Variants in SPNS3 observed in about 807,000 individuals in gnomAD.
SPNS3 encodes protein spinster homolog 3.
In SPNS3, 51 loss-of-function variants were observed where a neutral mutation model predicts 54.4. The observed-to-expected ratio is 0.94, with a 90% CI of 0.75 to 1.18. The LOEUF is 1.18. SPNS3 is among the 50% of genes most tolerant of loss of function. The pLI is 0.00. For missense variants in SPNS3, 669 were observed against 677.4 expected (o/e 0.99, Z 0.14); for synonymous variants, 309 against 294.7 (o/e 1.05, Z -0.50).
chr17:4,461,365 T>TC (rs1238951882), intron 8 of SPNS3, among the ~76,000 whole-genome samples: 1 of 110,232 alleles, frequency 9.1e-6, no homozygotes, highest in Non-Finnish European at 1.7e-5. Context: ...TCTTTTCTTT[T>TC]TTTTTTTTTT....
chr17:4,455,120 G>A (rs1247549413), intron 8 of SPNS3, among the ~76,000 whole-genome samples: 3 of 151,862 alleles, frequency 2.0e-5, no homozygotes, highest in African/African-American at 7.3e-5. Context: ...CGCCACATTG[G>A]CCAGGCTGGT....
intron 7 of SPNS3, among the ~76,000 whole-genome samples, chr17:4,451,006 G>C (rs1456443818): frequency 1.3e-5 from 2 of 152,042 alleles, no homozygotes; most frequent in East Asian, 3.9e-4. Context: ...TGGTAGCTGG[G>C]GCATGTCCTC....
chr17:4,455,017 G>T (rs1305207308), intron 8 of SPNS3, among the ~76,000 whole-genome samples: 1 of 151,922 alleles, frequency 6.6e-6, no homozygotes, highest in Non-Finnish European at 1.5e-5. Flanking sequence ...GGGTTCAAGC[G>T]ATTCTCCTGC....
In SPNS3 at chr17:4,483,893, G is replaced by A. The variant is rs899541998; in HGVS notation, c.1180-2335G>A. 1.3e-5 allele frequency among the ~76,000 whole-genome samples: 2 copies of A among 152,076 alleles called. No homozygotes were observed. Among genetic ancestry groups the A allele is most frequent in the Non-Finnish European group, 2.9e-5 (2 of 68,014 alleles). On this transcript the variant is annotated intron_variant, in intron 9 of 11. Transcript: ENST00000355530. The surrounding 1 kb of genome is among the most constrained non-coding windows in gnomAD (Gnocchi z 4.2). ...CCTGGGATTCTGGAATCCAGAGATCGTGTCCCTGGGATCCTCCCTCCACAC... is the reference window on the plus strand; with the variant it reads ...CCTGGGATTCTGGAATCCAGAGATCATGTCCCTGGGATCCTCCCTCCACAC...
intron 8 of SPNS3, among the ~76,000 whole-genome samples, chr17:4,466,259 AG>A (rs1971672904): frequency 1.3e-5 from 2 of 152,200 alleles, no homozygotes; most frequent in Non-Finnish European, 2.9e-5. Context: ...TCAACACCAT[AG>A]GCCAGGCACG....
intron 9 of SPNS3, 140 bp downstream of exon 9, chr17:4,478,777 C>T: frequency 1.3e-6 from 1 of 758,608 alleles, no homozygotes; most frequent in Non-Finnish European, 2.1e-6. Context: ...TTATCTTGGA[C>T]CAGAGGCCTC....
intron 8 of SPNS3, among the ~76,000 whole-genome samples, chr17:4,461,639 G>A (rs1015308492): frequency 2.0e-5 from 3 of 152,038 alleles, no homozygotes; most frequent in African/African-American, 2.4e-5. Flanking sequence ...CAACAATGGC[G>A]ATTGTGAGAG....
chr17:4,437,583 C>T (rs1471986307), intron 1 of SPNS3, among the ~76,000 whole-genome samples: 1 of 151,792 alleles, frequency 6.6e-6, no homozygotes, highest in Non-Finnish European at 1.5e-5. Context: ...AGGAAAATTG[C>T]CTGAACCCAG....
rs565889776 is a variant in SPNS3, at chr17:4,446,960, C to G, written c.619C>G (p.Arg207Gly). ...MLTGNWRWAL[R>G]VMPCLEAVAL... is the part of the protein sequence containing the mutation. The stretch of plus-strand genomic sequence containing the variant: ...GACTGGGAACTGGCGCTGGGCCCTC[C>G]GAGTGAGTCCAGCTTCCTTTTCTTC... Residue 207 changes from arginine to glycine, a missense_variant and splice_region_variant, in exon 5 of 12, where the codon CGA (arginine) becomes GGA (glycine). Coordinates refer to ENST00000355530, the MANE Select transcript of SPNS3 (RefSeq NM_182538.5). The G allele has an allele frequency of 1.4e-5, 23 of 1,614,068 alleles. No individual in the cohort carries two copies. The African/African-American group carries it at 1.9e-4, about 13-fold the overall frequency.
chr17:4,436,328 C>G (rs1970718163), intron 1 of SPNS3, among the ~76,000 whole-genome samples: 1 of 152,178 alleles, frequency 6.6e-6, no homozygotes, highest in Admixed American at 6.6e-5. Flanking sequence ...ATCCCCAGAC[C>G]TGGTCATCGT....
intron 1 of SPNS3, among the ~76,000 whole-genome samples, chr17:4,435,910 C>T (rs915526609): frequency 9.2e-5 from 14 of 152,270 alleles, no homozygotes; most frequent in East Asian, 3.9e-4. Flanking sequence ...CCAGCCTGGG[C>T]GACAGAGCGA....
intron 8 of SPNS3, 149 bp from the exon 9 acceptor site, chr17:4,478,423 G>C: frequency 1.5e-6 from 1 of 686,698 alleles, no homozygotes; most frequent in East Asian, 2.8e-5. Context: ...TGGAAAAATA[G>C]TTCTAGGCCT....
intron 8 of SPNS3, among the ~76,000 whole-genome samples, chr17:4,455,566 C>A (rs11078511): frequency 0.22 from 33,407 of 152,094 alleles, 4,485 homozygotes; most frequent in African/African-American, 0.38. Context: ...TGTCTTGCCC[C>A]GGTAGGCAAT....
chr17:4,446,737 GGGCCTCACGT>G, intron 4 of SPNS3, 149 bp from the exon 5 acceptor site: 3 of 665,746 alleles, frequency 4.5e-6, no homozygotes, highest in Non-Finnish European at 8.1e-6. Context: ...GTGGACATCT[GGGCCTCACGT>G]GGCTTACTTT....
At chr17:4,471,113 A>G (rs887357005) in intron 8 of SPNS3, among the ~76,000 whole-genome samples, 1 of 152,108 alleles carries the variant, frequency 6.6e-6, no homozygotes, top group Non-Finnish European at 1.5e-5. Flanking sequence ...TAGTAGAGAT[A>G]GGGTTTCTCT....
At chr17:4,439,577 C>T (rs918736024) in intron 1 of SPNS3, 81 bp from the exon 2 acceptor site, 22 of 1,362,750 alleles carry the variant, frequency 1.6e-5, no homozygotes, top group African/African-American at 2.9e-5. Flanking sequence ...AGCTGTGGCC[C>T]TGTGCCAAAC....
chr17:4,459,682 C>T (rs916125995), intron 8 of SPNS3, among the ~76,000 whole-genome samples: 3 of 152,072 alleles, frequency 2.0e-5, no homozygotes, highest in African/African-American at 7.2e-5. Flanking sequence ...CATTGCACTC[C>T]AGCCTGGGCG....
At chr17:4,443,442 C>T (rs866490797) in intron 2 of SPNS3, among the ~76,000 whole-genome samples, 3 of 152,174 alleles carry the variant, frequency 2.0e-5, no homozygotes, top group African/African-American at 7.2e-5. Flanking sequence ...CTTGCCCCTC[C>T]AGAAGGTTAA....
Position 4,486,438 on chromosome 17 carries a change from C to T in SPNS3, c.1305C>T (p.Arg435=). The change falls in exon 11 of 12, where the codon CGC becomes CGT. Residue 435 remains arginine (R), a synonymous_variant. Coordinates refer to ENST00000355530, the MANE Select transcript of SPNS3 (RefSeq NM_182538.5). This position sits in a 1 kb window ranked among gnomAD's most constrained non-coding sequence, Gnocchi z 5.5. Reference sequence around the variant, plus strand: ...TCTCTAGTGTCCTGCGGGCCAGGCGCCCTGACTCCTATCTGCAGCGCTTCC... The same window carrying T: ...TCTCTAGTGTCCTGCGGGCCAGGCGTCCTGACTCCTATCTGCAGCGCTTCC... ...GLISSVLRAR[R]PDSYLQRFRS... The T allele has an allele frequency of 6.2e-7, 1 of 1,610,270 alleles. No individual in the cohort carries two copies. The highest frequency in any genetic ancestry group is 8.5e-7 in the Non-Finnish European group (1 of 1,177,714).
Sources: gnomAD v4.1 joint callset for allele counts (sites outside exome capture counted in the v4.1 genomes callset) on GRCh38, gnomAD v4.1.1 for gene constraint, Gnocchi (gnomAD v3.1) non-coding constraint, MANE v1.5 for transcripts, NCBI Gene and HGNC (gene_info 2026-07-23, HGNC 2026-07-21) for gene names.